The following CFAP52 variants were observed in gnomAD, a reference collection of about 807,000 sequenced individuals.
The protein encoded by CFAP52 is cilia and flagella associated protein 52.
In CFAP52, 57 loss-of-function variants were observed where a neutral mutation model predicts 70.5. That is an observed-to-expected ratio of 0.81 (90% CI 0.65 to 1.01). The LOEUF (loss-of-function observed/expected upper bound fraction) is 1.01. CFAP52 is among the 50% of genes least tolerant of loss of function. The pLI is 0.00. For synonymous variants in CFAP52, 267 were observed against 292.5 expected (o/e 0.91, Z 0.89); for missense variants, 785 against 788.5 (o/e 1.00, Z 0.05).
chr17:9,637,353 C>T (rs1384054187), intron 11 of CFAP52, among the ~76,000 whole-genome samples: 1 of 152,112 alleles, frequency 6.6e-6, no homozygotes, highest in African/African-American at 2.4e-5. Context: ...AAAGCTGTTC[C>T]GTTGTGTAGC....
intron 8 of CFAP52, 40 bp from the exon 9 acceptor site, chr17:9,628,632 G>C (rs368310731): frequency 1.5e-5 from 24 of 1,596,802 alleles, no homozygotes; most frequent in African/African-American, 5.4e-5. Context: ...CTGGGAAACT[G>C]CATCTTTTAT....
chr17:9,637,323 T>C (rs1910851849), intron 11 of CFAP52, among the ~76,000 whole-genome samples: 1 of 152,178 alleles, frequency 6.6e-6, no homozygotes, highest in Admixed American at 6.5e-5. Flanking sequence ...ATGGATGCTT[T>C]GTGACTGCCT....
intron 3 of CFAP52, among the ~76,000 whole-genome samples, chr17:9,591,595 G>T (rs562701028): frequency 2.0e-5 from 3 of 152,268 alleles, no homozygotes; most frequent in Admixed American, 2.0e-4. Flanking sequence ...ATTTGTGTTT[G>T]TGCGGGGTGC....
At chr17:9,623,061 A>G (rs568301293) in intron 8 of CFAP52, among the ~76,000 whole-genome samples, 6 of 152,302 alleles carry the variant, frequency 3.9e-5, no homozygotes, top group Non-Finnish European at 8.8e-5. Context: ...GGTCTCAGGC[A>G]ATGAATGTAG....
At position 9,631,534 on chromosome 17, in the gene CFAP52, G is replaced by C. The variant is rs572592647; in HGVS notation, c.1175-1354G>C. 1.0e-3 allele frequency among the ~76,000 whole-genome samples: 157 copies of C among 152,304 alleles called. 2 individuals are homozygous for C. The highest frequency in any genetic ancestry group is 1.9e-3 in the Non-Finnish European group (129 of 68,036). On this transcript the variant is annotated intron_variant, in intron 9 of 13. Coordinates refer to ENST00000352665, the MANE Select transcript of CFAP52 (RefSeq NM_145054.5). ...GAAAACATTCCAGGCAGAGGGAATAGCAAGTGCAAAGGCCCTCAGGAGGGA... is the reference window on the plus strand; with the variant it reads ...GAAAACATTCCAGGCAGAGGGAATACCAAGTGCAAAGGCCCTCAGGAGGGA...
chr17:9,631,102 G>C (rs1269823867), intron 9 of CFAP52, among the ~76,000 whole-genome samples: 2 of 146,764 alleles, frequency 1.4e-5, no homozygotes, highest in African/African-American at 5.4e-5. Context: ...GAAAGAGAAA[G>C]AAAGAACATA....
chr17:9,630,653 A>C (rs889097938), intron 9 of CFAP52, among the ~76,000 whole-genome samples: 7 of 150,258 alleles, frequency 4.7e-5, no homozygotes, highest in African/African-American at 1.7e-4. Flanking sequence ...GATGGTCTGG[A>C]TCTCCTGACC....
intron 9 of CFAP52, among the ~76,000 whole-genome samples, chr17:9,631,048 G>GAAAGAAAGAA (rs1426600738): frequency 0.03 from 592 of 19,628 alleles, 30 homozygotes; most frequent in African/African-American, 0.047. Context: ...GAGAGAGAGA[G>GAAAGAAAGAA]AGAGAGAAAG....
chr17:9,617,028 G>A (rs1209760570), intron 8 of CFAP52, among the ~76,000 whole-genome samples: 1 of 88,668 alleles, frequency 1.1e-5, no homozygotes, highest in Non-Finnish European at 2.0e-5. Flanking sequence ...AGAGAAGAAG[G>A]CTTCAGACGA....
At chr17:9,611,761 A>C (rs1689467660) in intron 7 of CFAP52, among the ~76,000 whole-genome samples, 1 of 152,218 alleles carries the variant, frequency 6.6e-6, no homozygotes, top group Non-Finnish European at 1.5e-5. Flanking sequence ...TAATCTTTTT[A>C]TTATGGTAAC....
chr17:9,592,921 A>C (rs964031954), intron 3 of CFAP52, among the ~76,000 whole-genome samples: 4 of 152,130 alleles, frequency 2.6e-5, no homozygotes, highest in African/African-American at 9.7e-5. Context: ...TCTAGTTATC[A>C]TTTAAACTTT....
In CFAP52 at chr17:9,593,808, T is replaced by C. The variant is rs150971794; in HGVS notation, c.408-385T>C. Among the ~76,000 whole-genome samples, 17 of 151,946 alleles carry C rather than the reference T, an allele frequency of 1.1e-4. No individual in the cohort carries two copies. The East Asian group carries it at 3.1e-3, about 28-fold the overall frequency. ...GGTGAAACCCTGTCTCTACTAAAAA[T>C]ACAAGAATTACCCGGACATGGTGGT... On this transcript the variant is annotated intron_variant, in intron 3 of 13. Transcript: ENST00000352665.
rs750593072 is a variant in CFAP52, at chr17:9,612,432, C to T, written c.978C>T (p.Leu326=). The T allele has an allele frequency of 5.6e-6, 9 of 1,614,188 alleles. No homozygotes were observed. In the South Asian group the frequency reaches 9.9e-5, roughly 18 times the overall value. ...RVSFTDFKET[L]IATCHFDAVE... The stretch of plus-strand genomic sequence containing the variant: ...GCTTCACGGATTTCAAAGAGACGCT[C>T]ATAGCGACTTGTCACTTTGATGCTG... Residue 326 remains leucine, a synonymous_variant, in exon 8 of 14, where the codon CTC becomes CTT. Transcript: ENST00000352665.
chr17:9,629,927 G>C (rs909387490), intron 9 of CFAP52, among the ~76,000 whole-genome samples: 3 of 151,776 alleles, frequency 2.0e-5, no homozygotes, highest in Non-Finnish European at 4.4e-5. Flanking sequence ...TCTCCTCCTT[G>C]TTAGCGTCCC....
chr17:9,598,244 C>T lies in CFAP52; in HGVS notation c.547C>T (p.Arg183Ter), dbSNP rs775639416. 7 of 1,605,228 alleles carry T rather than the reference C, an allele frequency of 4.4e-6. No homozygotes were observed. Among genetic ancestry groups the T allele is most frequent in the East Asian group, 2.2e-5 (1 of 44,586 alleles). ...MFMTAGNGTI[R>*]VWELDLPNRK... The stretch of plus-strand genomic sequence containing the variant: ...TTTTTTTTTACATAGTGGGACAATT[C>T]GAGTATGGGAATTGGATCTTCCAAA... The change falls in exon 5 of 14, where the codon CGA (arginine) becomes TGA (stop). Residue 183 changes from arginine to a stop codon, truncating the protein, a stop_gained. Transcript: ENST00000352665. LOFTEE classifies it high-confidence loss of function.
At chr17:9,603,964 G>C (rs1432343493) in intron 6 of CFAP52, among the ~76,000 whole-genome samples, 2 of 152,126 alleles carry the variant, frequency 1.3e-5, no homozygotes, top group African/African-American at 4.8e-5. Context: ...TAGATAAATG[G>C]ATCAATGGGA....
intron 8 of CFAP52, among the ~76,000 whole-genome samples, chr17:9,624,774 A>T (rs945589258): frequency 6.6e-5 from 10 of 152,124 alleles, no homozygotes; most frequent in African/African-American, 2.4e-4. Flanking sequence ...ATTATATAGA[A>T]TATACTATAG....
At chr17:9,590,026 G>T in intron 3 of CFAP52, 1 of 164,892 alleles carries the variant, frequency 6.1e-6, no homozygotes, top group East Asian at 1.7e-4. Context: ...TGTTCAGCTG[G>T]GAGCTTTTCA....
chr17:9,628,288 T>TC (rs1259494050), intron 8 of CFAP52, among the ~76,000 whole-genome samples: 2 of 151,666 alleles, frequency 1.3e-5, no homozygotes, highest in Non-Finnish European at 2.9e-5. Context: ...TATTCTTTTT[T>TC]TTTTTTTTTG....
Sources: allele counts gnomAD v4.1 joint callset (sites outside exome capture counted in the v4.1 genomes callset), GRCh38; gene constraint gnomAD v4.1.1; transcripts MANE v1.5; gene names NCBI Gene and HGNC (gene_info 2026-07-23, HGNC 2026-07-21).